Variants in RORA observed in about 807,000 individuals in gnomAD.
RORA encodes RAR related orphan receptor A.
RORA carries 7 observed loss-of-function variants against 69.5 expected under a neutral mutation model. The observed-to-expected ratio is 0.10, with a 90% CI of 0.06 to 0.19. RORA has a LOEUF of 0.19. Among genes scored for constraint, RORA ranks in the 10% least tolerant of loss-of-function variants. The probability of loss-of-function intolerance (pLI) is 1.00; values close to 1 mark genes in which losing one functional copy is unlikely to be tolerated. For synonymous variants in RORA, 261 were observed against 240.8 expected, an observed-to-expected ratio of 1.08 and a Z score of -0.78; for missense variants, 457 against 663.0, an observed-to-expected ratio of 0.69 and a Z score of 3.41.
At chr15:61,009,338 G>A (rs1469956611) in intron 1 of RORA, among the ~76,000 whole-genome samples, 2 of 152,050 alleles carry the variant, frequency 1.3e-5, no homozygotes, top group Non-Finnish European at 2.9e-5. Flanking sequence ...AAAAGCTTAG[G>A]GCTTGCAGCC....
intron 1 of RORA, chr15:60,682,220 CT>C (rs1433553724): frequency 2.0e-5 from 3 of 152,274 alleles, no homozygotes; most frequent in African/African-American, 7.2e-5. Flanking sequence ...ACACAAATGA[CT>C]TTGGTAAGGG....
At position 61,146,493 on chromosome 15, in the gene RORA, G is replaced by A. The variant is rs571083909; in HGVS notation, c.166+82560C>T. Among the ~76,000 whole-genome samples, 209 of 150,872 alleles carry A rather than the reference G, an allele frequency of 1.4e-3. 1 individual carries two copies. Among genetic ancestry groups the A allele is most frequent in the Non-Finnish European group, 2.7e-3 (183 of 67,804 alleles). On this transcript the variant is annotated intron_variant, in intron 1 of 10. Transcript: ENST00000335670. ...ACACACACACACACACGCACACACA[G>A]CAACTTTCATCTATAATTTAGAAAA...
At chr15:60,902,889 G>A (rs1251478517) in intron 1 of RORA, among the ~76,000 whole-genome samples, 2 of 152,170 alleles carry the variant, frequency 1.3e-5, no homozygotes, top group East Asian at 3.8e-4. Flanking sequence ...TGAATCTAGG[G>A]GCGTACTCCG....
At chr15:60,887,269 G>A in intron 1 of RORA, among the ~76,000 whole-genome samples, 1 of 152,236 alleles carries the variant, frequency 6.6e-6, no homozygotes, top group East Asian at 1.9e-4. Context: ...AACCTTTCGT[G>A]GCCTGAAGGG....
intron 2 of RORA, among the ~76,000 whole-genome samples, chr15:60,616,649 A>G (rs1156885646): frequency 6.6e-6 from 1 of 152,264 alleles, no homozygotes; most frequent in African/African-American, 2.4e-5. Context: ...CAAACATGTC[A>G]GAACTGCATT....
At chr15:60,934,326 G>A (rs562463617) in intron 1 of RORA, among the ~76,000 whole-genome samples, 53 of 152,172 alleles carry the variant, frequency 3.5e-4, no homozygotes, top group Non-Finnish European at 6.0e-4. Context: ...TCCTTCAAGA[G>A]ACTAGACCAG....
intron 3 of RORA, among the ~76,000 whole-genome samples, chr15:60,522,371 T>G (rs1190571119): frequency 6.6e-6 from 1 of 152,208 alleles, no homozygotes; most frequent in Non-Finnish European, 1.5e-5. Context: ...TTGGCAAATG[T>G]TACAGATCAG....
chr15:60,676,038 A>G (rs2070548133), intron 2 of RORA, among the ~76,000 whole-genome samples: 1 of 152,208 alleles, frequency 6.6e-6, no homozygotes, highest in Non-Finnish European at 1.5e-5. Flanking sequence ...ATGAATTCAT[A>G]CACTTCACTG....
At chr15:60,523,052 A>AAAAAAAAAACACAC (rs1555426068) in intron 3 of RORA, among the ~76,000 whole-genome samples, 19,910 of 148,660 alleles carry the variant, frequency 0.13, 1,704 homozygotes, top group South Asian at 0.28. Flanking sequence ...AAAAAACACA[A>AAAAAAAAAACACAC]AAAAAAAAAC....
chr15:60,656,731 G>C (rs114034762), intron 2 of RORA, among the ~76,000 whole-genome samples: 1 of 152,108 alleles, frequency 6.6e-6, no homozygotes, highest in East Asian at 1.9e-4. Flanking sequence ...GTATCTCCCC[G>C]TCTGTCCAGG....
chr15:61,025,368 T>C (rs925002883), intron 1 of RORA, among the ~76,000 whole-genome samples: 1 of 152,190 alleles, frequency 6.6e-6, no homozygotes, highest in Admixed American at 6.5e-5. Context: ...TCAAGGGCTG[T>C]GGTCCCAGGT....
At chr15:60,587,795 A>G (rs1411934792) in intron 2 of RORA, among the ~76,000 whole-genome samples, 4 of 152,226 alleles carry the variant, frequency 2.6e-5, no homozygotes, top group Non-Finnish European at 5.9e-5. Context: ...TTATCTCCTG[A>G]AAATATGATG....
chr15:60,870,218 C>T (rs1482260377), intron 1 of RORA, among the ~76,000 whole-genome samples: 2 of 152,136 alleles, frequency 1.3e-5, no homozygotes, highest in Admixed American at 1.3e-4. Flanking sequence ...CTGGTATGTA[C>T]CAAGTAGCAT....
intron 2 of RORA, among the ~76,000 whole-genome samples, chr15:60,593,756 C>G (rs1330550713): frequency 1.3e-5 from 2 of 152,150 alleles, no homozygotes; most frequent in Non-Finnish European, 2.9e-5. Context: ...TGTTGCCACG[C>G]ACAACTTAAA....
At chr15:61,206,249 A>C (rs1270280793) in intron 1 of RORA, among the ~76,000 whole-genome samples, 3 of 152,154 alleles carry the variant, frequency 2.0e-5, no homozygotes, top group Non-Finnish European at 2.9e-5. Flanking sequence ...TTGCAGAAGG[A>C]AGGGAGGGAG....
At chr15:61,005,973 TG>T (rs1389965508) in intron 1 of RORA, among the ~76,000 whole-genome samples, 1 of 151,512 alleles carries the variant, frequency 6.6e-6, no homozygotes. Context: ...TGTTTTGTTT[TG>T]TTTTGTTTTT....
chr15:61,114,575 G>T (rs1281252786), intron 1 of RORA, among the ~76,000 whole-genome samples: 1 of 152,148 alleles, frequency 6.6e-6, no homozygotes, highest in Non-Finnish European at 1.5e-5. Context: ...AGAACTTACT[G>T]TCCCTTTTCT....
chr15:60,779,124 G>A (rs1350255967), intron 1 of RORA, among the ~76,000 whole-genome samples: 1 of 152,136 alleles, frequency 6.6e-6, no homozygotes, highest in East Asian at 1.9e-4. Context: ...AGCCTAAATT[G>A]GACTTCTAGT....
At chr15:61,218,690 A>ACACACACG (rs1555421372) in intron 1 of RORA, among the ~76,000 whole-genome samples, 3 of 151,682 alleles carry the variant, frequency 2.0e-5, no homozygotes, top group African/African-American at 7.3e-5. Context: ...ACACACACAC[A>ACACACACG]CACACACACA....
Sources: allele counts gnomAD v4.1 joint callset (sites outside exome capture counted in the v4.1 genomes callset), GRCh38; gene constraint gnomAD v4.1.1; transcripts MANE v1.5; gene names NCBI Gene and HGNC (gene_info 2026-07-23, HGNC 2026-07-21).